Variants in KLK12 observed in about 807,000 individuals in gnomAD.
The protein encoded by KLK12 is kallikrein related peptidase 12, also known as kallikrein-12.
Under a neutral mutation model 20.0 loss-of-function variants are expected in KLK12, and 23 were observed. The observed-to-expected ratio is 1.15, with a 90% CI of 0.83 to 1.63. The LOEUF (loss-of-function observed/expected upper bound fraction) is 1.63, where lower values mean the gene tolerates loss of function less well. KLK12 is among the 40% of genes most tolerant of loss of function. KLK12 has a pLI of 0.00. For missense variants in KLK12, 351 were observed against 338.6 expected (o/e 1.04, Z -0.29); for synonymous variants, 147 against 141.9 (o/e 1.04, Z -0.25).
chr19:51,032,259 C>T lies in KLK12; in HGVS notation c.198-124G>A, dbSNP rs533975238. 2.4e-5 allele frequency: 26 copies of T among 1,090,288 alleles called. No individual in the cohort carries two copies. In the African/African-American group the frequency reaches 2.8e-4, roughly 12 times the overall value. 67.5% of individuals were successfully genotyped at this position (1,090,288 alleles called of 1,614,324 possible). On this transcript the variant is annotated intron_variant, in intron 3 of 5. Transcript: ENST00000684732. The stretch of plus-strand genomic sequence containing the variant: ...GCCCCTCACTGTCTGTCCTCTCACC[C>T]GCAACTCTCATTCTCCGAGTCTCTC...
At chr19:51,031,813 C>G (rs1389102663) in intron 4 of KLK12, 63 bp downstream of exon 4, 1 of 1,563,336 alleles carries the variant, frequency 6.4e-7, no homozygotes, top group African/African-American at 1.4e-5. Flanking sequence ...GATTCGACCT[C>G]TCGCCCTGCA....
At chr19:51,034,327 G>C in intron 2 of KLK12, 188 bp from the exon 3 acceptor site, 2 of 1,162,384 alleles carry the variant, frequency 1.7e-6, no homozygotes, top group South Asian at 3.2e-5. Flanking sequence ...CAGGGAGAAA[G>C]ATGCTTACAC....
chr19:51,032,070 T>C lies in KLK12; in HGVS notation c.263A>G (p.His88Arg), dbSNP rs748987091. The change falls in exon 4 of 6, where the codon CAC (histidine) becomes CGC (arginine). Residue 88 changes from histidine to arginine, a missense_variant. His to Arg is a conservative substitution (Grantham distance 29). Transcript: ENST00000684732. ...GGGATGGGTCACAGAGAAGCCGCTG[T>C]GCCGGATCTGCTCGGTCCAGTCGAG... ...SQLDWTEQIR[H>R]SGFSVTHPGY... 2 of 1,604,860 alleles carry C rather than the reference T, an allele frequency of 1.2e-6. No homozygotes were observed. Among genetic ancestry groups the C allele is most frequent in the African/African-American group, 2.7e-5 (2 of 74,746 alleles).
In KLK12 at chr19:51,031,978, G is replaced by C. The variant is rs1262915715; in HGVS notation, c.355C>G (p.Arg119Gly). ...LRLLRLRLPV[R>G]VTSSVQPLPL... ...AGGGGTTGAACGCTGCTGGTTACGC[G>C]GACGGGCAGGCGCAGCCGCAGCAGC... The change falls in exon 4 of 6, where the codon CGC (arginine) becomes GGC (glycine). Residue 119 changes from arginine (R) to glycine (G), a missense_variant. Coordinates refer to ENST00000684732, the MANE Select transcript of KLK12 (RefSeq NM_001370125.1). The C allele has an allele frequency of 2.5e-6, 4 of 1,613,080 alleles. No homozygotes were observed. Among genetic ancestry groups the C allele is most frequent in the Non-Finnish European group, 3.4e-6 (4 of 1,179,694 alleles).
At chr19:51,031,702 T>C in intron 4 of KLK12, 174 bp downstream of exon 4, 2 of 796,016 alleles carry the variant, frequency 2.5e-6, no homozygotes, top group South Asian at 1.5e-5. Context: ...CCCCTTTGGC[T>C]CCCAAGACCC....
At position 51,031,595 on chromosome 19, in the gene KLK12, C is replaced by CATACATGTATATAT. The variant is rs6146546; in HGVS notation, c.457+280_457+281insATATATACATGTAT. Among the ~76,000 whole-genome samples the CATACATGTATATAT allele has an allele frequency of 3.3e-5, 4 of 120,394 alleles. No homozygotes were observed. In the South Asian group the frequency reaches 1.1e-3, roughly 34 times the overall value. The allele number at this position is 120,394 out of a possible 152,430, so 79.0% of individuals were successfully genotyped here. ...CCACAATGCCCATATCCTATACATA[C>CATACATGTATATAT]ATATATATATATATATGCCTTTTGC... On this transcript the variant is annotated intron_variant, in intron 4 of 5. Transcript: ENST00000684732.
intron 4 of KLK12, 125 bp downstream of exon 4, chr19:51,031,751 A>G (rs2091559846): frequency 9.1e-7 from 1 of 1,095,174 alleles, no homozygotes; most frequent in Non-Finnish European, 1.4e-6. Flanking sequence ...CATGATCCTG[A>G]TGTCCCATCC....
In KLK12 at chr19:51,032,126, C is replaced by T; in HGVS notation, c.207G>A (p.Trp69Ter). ...TAAHCSGSRY[W>*]VRLGEHSLSQ... ...TGAGGCTGTGTTCCCCCAGGCGCAC[C>T]CAGTACCTGCTGCCGGTGGCGACGG... The change falls in exon 4 of 6, where the codon TGG becomes TGA. Residue 69 changes from tryptophan to a stop codon, truncating the protein, a stop_gained. Transcript: ENST00000684732. LOFTEE classifies it high-confidence loss of function. 3 of 1,601,246 alleles carry T rather than the reference C, an allele frequency of 1.9e-6. No individual in the cohort carries two copies.
In KLK12 at chr19:51,031,860, G is replaced by A; in HGVS notation, c.457+16C>T. The A allele has an allele frequency of 5.0e-6, 8 of 1,612,974 alleles. No homozygotes were observed. Among genetic ancestry groups the A allele is most frequent in the Non-Finnish European group, 6.8e-6 (8 of 1,179,744 alleles). ...TACCCATCCTGACCCCTGACCCCTGGCCCTGGGCCCCTTACTCCGTGGGTG... is the reference window on the plus strand; with the variant it reads ...TACCCATCCTGACCCCTGACCCCTGACCCTGGGCCCCTTACTCCGTGGGTG... On this transcript the variant is annotated intron_variant, in intron 4 of 5. Coordinates refer to ENST00000684732, the MANE Select transcript of KLK12 (RefSeq NM_001370125.1).
At chr19:51,032,215 T>A in intron 3 of KLK12, 80 bp from the exon 4 acceptor site, 1 of 1,460,208 alleles carries the variant, frequency 6.8e-7, no homozygotes, top group Non-Finnish European at 9.3e-7. Context: ...CAGGCGCTCC[T>A]GCCGCTCCCC....
At chr19:51,032,272 C>A (rs1417202438) in intron 3 of KLK12, 137 bp from the exon 4 acceptor site, 7 of 991,302 alleles carry the variant, frequency 7.1e-6, no homozygotes, top group Non-Finnish European at 1.1e-5. Flanking sequence ...AACTCTCATT[C>A]TCCGAGTCTC....
At chr19:51,033,058 A>T (rs1412805842) in intron 3 of KLK12, among the ~76,000 whole-genome samples, 1 of 151,526 alleles carries the variant, frequency 6.6e-6, no homozygotes, top group East Asian at 2.0e-4. Flanking sequence ...TACAAAAAAA[A>T]TTTAAAAATT....
At position 51,034,018 on chromosome 19, in the gene KLK12, G is replaced by T; in HGVS notation, c.159C>A (p.Asp53Glu). 6.2e-7 allele frequency: 1 copy of T among 1,610,792 alleles called. No individual in the cohort carries two copies. The highest frequency in any genetic ancestry group is 8.5e-7 in the Non-Finnish European group (1 of 1,178,832). ...GAGCCGCTGTGAGGACCCACCTGTG[G>T]TCAATAAGGACACCCCCGCAGCGCA... is the stretch of plus-strand genomic sequence containing the variant. ...TSLRCGGVLI[D>E]HRWVLTAAHC... The change falls in exon 3 of 6, where the codon GAC becomes GAA. Residue 53 changes from aspartate (D) to glutamate (E), a missense_variant. Physicochemically the swap from Asp to Glu is conservative, Grantham distance 45. Transcript: ENST00000684732.
At chr19:51,031,503 CA>C (rs1408227281) in intron 4 of KLK12, among the ~76,000 whole-genome samples, 2 of 151,232 alleles carry the variant, frequency 1.3e-5, no homozygotes, top group Non-Finnish European at 2.9e-5. Flanking sequence ...AGATTTTGAC[CA>C]GATTGTACAA....
rs781065025 is a variant in KLK12, at chr19:51,032,004, C to T, written c.329G>A (p.Arg110Gln). Reference sequence around the variant, plus strand: ...GACGGGCAGGCGCAGCCGCAGCAGCCGGAGGTCGTGCTCGTGGCTCGTCGA... The same window carrying T: ...GACGGGCAGGCGCAGCCGCAGCAGCTGGAGGTCGTGCTCGTGGCTCGTCGA... ...GASTSHEHDL[R>Q]LLRLRLPVRV... Residue 110 changes from arginine to glutamine, a missense_variant, in exon 4 of 6, where the codon CGG becomes CAG. By Grantham distance (43) the Arg-to-Gln change is conservative. Transcript: ENST00000684732. 1.1e-5 allele frequency: 17 copies of T among 1,612,476 alleles called. No homozygotes were observed. Among genetic ancestry groups the T allele is most frequent in the South Asian group, 1.1e-5 (1 of 91,052 alleles).
At position 51,034,957 on chromosome 19, in the gene KLK12, C is replaced by T; in HGVS notation, c.-171G>A. The T allele has an allele frequency of 1.6e-6, 2 of 1,217,850 alleles. No individual in the cohort carries two copies. The highest frequency in any genetic ancestry group is 2.1e-6 in the Non-Finnish European group (2 of 968,430). 75.4% of individuals were successfully genotyped at this position (1,217,850 alleles called of 1,614,324 possible). On this transcript the variant is annotated 5_prime_UTR_variant, in exon 1 of 6. The change creates a premature stop within an existing upstream ORF in the 5' untranslated region. Transcript: ENST00000684732. ...ACCACTCTGCACCTGGCTCCTCAGC[C>T]ACCTGTCATGTTGCTCAACCGGTCC...
intron 5 of KLK12, 63 bp downstream of exon 5, chr19:51,030,725 C>T (rs2091547748): frequency 6.2e-7 from 1 of 1,602,930 alleles, no homozygotes; most frequent in South Asian, 1.1e-5. Flanking sequence ...TCCCCTCCTG[C>T]TTCCAGCCCC....
intron 4 of KLK12, among the ~76,000 whole-genome samples, chr19:51,031,179 T>C (rs2091553812): frequency 6.6e-6 from 1 of 152,198 alleles, no homozygotes; most frequent in African/African-American, 2.4e-5. Flanking sequence ...CTCTCCAGCG[T>C]CAGAGACAAC....
At chr19:51,030,265 C>T (rs893942675) in intron 5 of KLK12, among the ~76,000 whole-genome samples, 15 of 151,510 alleles carry the variant, frequency 9.9e-5, no homozygotes, top group Non-Finnish European at 2.2e-4. Context: ...CTCCATTCCC[C>T]GGTCCTCCCT....
Sources: gnomAD v4.1 joint callset for allele counts (sites outside exome capture counted in the v4.1 genomes callset) on GRCh38, gnomAD v4.1.1 for gene constraint, MANE v1.5 for transcripts, NCBI Gene and HGNC (gene_info 2026-07-23, HGNC 2026-07-21) for gene names.